The following LONRF3 variants were observed in gnomAD, a reference collection of about 807,000 sequenced individuals.
The protein encoded by LONRF3 is LON peptidase N-terminal domain and RING finger protein 3.
In LONRF3, 19 loss-of-function variants were observed where a neutral mutation model predicts 51.7. The ratio of observed to expected loss-of-function variants is 0.37; its 90% CI spans 0.26 to 0.54. LONRF3 has a LOEUF of 0.54. Ranked by LOEUF, LONRF3 falls within the 20% of genes least tolerant of loss-of-function variation. The pLI, the probability that LONRF3 is intolerant of heterozygous loss-of-function variation, is 0.86. For missense variants in LONRF3, 521 were observed against 623.9 expected (o/e 0.84, Z 1.76); for synonymous variants, 265 against 257.8 (o/e 1.03, Z -0.27).
At chrX:118,990,268 T>C (rs1923324408) in intron 4 of LONRF3, among the ~76,000 whole-genome samples, 1 of 111,683 alleles carries the variant, frequency 9.0e-6, no homozygotes, top group South Asian at 3.8e-4. Flanking sequence ...CATTTCTCTT[T>C]CTGTTGGGCC....
rs184061284 is a variant in LONRF3 at position 118,975,041 on chromosome X, C to T, written c.261C>T (p.Leu87=). 1.8e-4 allele frequency: 207 copies of T among 1,173,269 alleles called. No homozygotes were observed. The highest frequency in any genetic ancestry group is 2.2e-4 in the Non-Finnish European group (190 of 876,753). The change falls in exon 1 of 11, where the codon CTC becomes CTT. Residue 87 remains leucine (L), a synonymous_variant. Coordinates refer to ENST00000371628, the MANE Select transcript of LONRF3 (RefSeq NM_001031855.3). The part of the protein sequence containing the change: ...LASRGRIREA[L]EVYRQLSERQ... ...CCCGGGGGCGAATCCGTGAAGCCCTCGAGGTGTATAGACAGCTCTCCGAGC... is the reference window on the plus strand; with the variant it reads ...CCCGGGGGCGAATCCGTGAAGCCCTTGAGGTGTATAGACAGCTCTCCGAGC...
intron 5 of LONRF3, among the ~76,000 whole-genome samples, chrX:119,001,189 C>G (rs62599018): frequency 0.16 from 18,207 of 111,368 alleles, 1,177 homozygotes; most frequent in South Asian, 0.21. Flanking sequence ...CAAGTTCTCT[C>G]TGTCTCTCTC....
In LONRF3 at chrX:119,017,899, A is replaced by G. The variant is rs1925566771; in HGVS notation, c.*209A>G. Reference sequence around the variant, plus strand: ...TTTCTGTCTTAAGATGCTTCTTGACATGCTGCATAACTACATAAACAGCAG... The same window carrying G: ...TTTCTGTCTTAAGATGCTTCTTGACGTGCTGCATAACTACATAAACAGCAG... On this transcript the variant is annotated 3_prime_UTR_variant, in exon 11 of 11. Coordinates refer to ENST00000371628, the MANE Select transcript of LONRF3 (RefSeq NM_001031855.3). The G allele has an allele frequency of 3.0e-6, 1 of 327,909 alleles. No homozygotes were observed. The highest frequency in any genetic ancestry group is 5.2e-6 in the Non-Finnish European group (1 of 192,625). 27.0% of individuals were successfully genotyped at this position (327,909 alleles called of 1,213,427 possible).
chrX:119,003,968 A>T (rs1924517911), intron 5 of LONRF3, among the ~76,000 whole-genome samples: 1 of 110,143 alleles, frequency 9.1e-6, no homozygotes, highest in Non-Finnish European at 1.9e-5. Flanking sequence ...TAGAACTATA[A>T]TTGTGTGTGC....
chrX:118,990,299 C>G (rs1351898817), intron 4 of LONRF3, among the ~76,000 whole-genome samples, 171 bp from the exon 5 acceptor site: 1 of 111,686 alleles, frequency 9.0e-6, no homozygotes, highest in Non-Finnish European at 1.9e-5. Flanking sequence ...CTCTGAGAGC[C>G]TACTTCTGAG....
rs1477989452 is a variant in LONRF3 at position 118,989,034 on chromosome X, G to A, written c.1060-374G>A. Among the ~76,000 whole-genome samples the A allele has an allele frequency of 3.6e-5, 4 of 110,526 alleles. No homozygotes were observed. The South Asian group carries it at 1.2e-3, about 32-fold the overall frequency. On this transcript the variant is annotated intron_variant, in intron 3 of 10. Coordinates refer to ENST00000371628, the MANE Select transcript of LONRF3 (RefSeq NM_001031855.3). ...GAACTATTGAGTGACAGGATCTGCC[G>A]TCACTGCCTGCCTTGGTTTTGCTAA...
intron 5 of LONRF3, among the ~76,000 whole-genome samples, chrX:119,001,623 G>T (rs939449552): frequency 1.8e-5 from 2 of 111,931 alleles, no homozygotes; most frequent in African/African-American, 6.5e-5. Context: ...ATTGAAAAGT[G>T]TAATGTATTC....
intron 5 of LONRF3, 68 bp downstream of exon 5, chrX:118,990,628 AGTGACCTACTGCTGGGTT>A (rs1467558252): frequency 2.3e-6 from 2 of 874,433 alleles, no homozygotes; most frequent in East Asian, 6.4e-5. Flanking sequence ...CCTTTCTGCT[AGTGACCTACTGCTGGGTT>A]GGTTAGCATG....
intron 5 of LONRF3, among the ~76,000 whole-genome samples, chrX:119,001,149 C>T (rs1924289999): frequency 9.0e-6 from 1 of 111,687 alleles, no homozygotes; most frequent in Admixed American, 9.6e-5. Flanking sequence ...TTTCTGAAAT[C>T]GTTACCTAAA....
chrX:118,986,462 G>A (rs1922973637), intron 3 of LONRF3, among the ~76,000 whole-genome samples: 1 of 111,952 alleles, frequency 8.9e-6, no homozygotes, highest in African/African-American at 3.2e-5. Context: ...GAAGACATTT[G>A]TAGACTTCTA....
chrX:119,014,201 T>A lies in LONRF3; in HGVS notation c.1975-6T>A. ...GAATGTTTCACTTCCACTTTGATAC[T>A]TTCAGGTTCAGGGAGAGGATTGTGC... On this transcript the variant is annotated splice_region_variant and splice_polypyrimidine_tract_variant and intron_variant, in intron 9 of 10. Coordinates refer to ENST00000371628, the MANE Select transcript of LONRF3 (RefSeq NM_001031855.3). 1 of 1,200,653 alleles carries A rather than the reference T, an allele frequency of 8.3e-7. No individual in the cohort carries two copies.
chrX:119,015,761 A>G (rs992109891), intron 10 of LONRF3, among the ~76,000 whole-genome samples: 8 of 112,146 alleles, frequency 7.1e-5, no homozygotes, highest in Non-Finnish European at 1.5e-4. Flanking sequence ...CTTTTTTCTT[A>G]GTTCTGTTAT....
At chrX:118,980,554 G>C in intron 2 of LONRF3, among the ~76,000 whole-genome samples, 1 of 83,328 alleles carries the variant, frequency 1.2e-5, no homozygotes, top group Middle Eastern at 6.3e-3. Flanking sequence ...AGGTTTTCAT[G>C]AGTGATGATG....
intron 5 of LONRF3, among the ~76,000 whole-genome samples, chrX:118,998,136 G>A (rs1032404403): frequency 3.6e-5 from 4 of 112,114 alleles, no homozygotes; most frequent in Non-Finnish European, 7.5e-5. Flanking sequence ...CAGAGGAAAA[G>A]AAGCCATTAT....
rs1177778354 is a variant in LONRF3, at chrX:118,996,786, G to T, written c.1415+6226G>T. On this transcript the variant is annotated intron_variant, in intron 5 of 10. Transcript: ENST00000371628. Reference sequence around the variant, plus strand: ...AAATACAAAAAATTAGCCGGGCGTGGTGGCATGCACCTGTAGTCCCAGCTA... The same window carrying T: ...AAATACAAAAAATTAGCCGGGCGTGTTGGCATGCACCTGTAGTCCCAGCTA... 2.7e-5 allele frequency among the ~76,000 whole-genome samples: 3 copies of T among 109,843 alleles called. No homozygotes were observed. The East Asian group carries it at 8.5e-4, about 31-fold the overall frequency.
chrX:118,989,380 T>C lies in LONRF3; in HGVS notation c.1060-28T>C, dbSNP rs373337693. ...AGGACAATATTAGTCCTAAGAAGAT[T>C]CTGATATGTGGCCCTTTCTTCATCC... is the stretch of plus-strand genomic sequence containing the variant. On this transcript the variant is annotated intron_variant, in intron 3 of 10. Transcript: ENST00000371628. The C allele has an allele frequency of 1.1e-4, 130 of 1,203,207 alleles. No individual in the cohort carries two copies. The Middle Eastern group carries it at 3.9e-3, about 37-fold the overall frequency.
At chrX:118,984,768 G>T (rs1922831105) in intron 3 of LONRF3, among the ~76,000 whole-genome samples, 1 of 112,035 alleles carries the variant, frequency 8.9e-6, no homozygotes, top group Non-Finnish European at 1.9e-5. Context: ...GAATTTAGAG[G>T]CGAATTTCCA....
chrX:118,983,015 T>A, intron 3 of LONRF3, 72 bp downstream of exon 3: 22 of 1,113,965 alleles, frequency 2.0e-5, no homozygotes, highest in Non-Finnish European at 2.7e-5. Context: ...GGAAGGGGAG[T>A]GAGGGTGCTG....
intron 5 of LONRF3, among the ~76,000 whole-genome samples, chrX:119,001,083 G>A (rs1245970864): frequency 1.8e-5 from 2 of 111,645 alleles, no homozygotes; most frequent in African/African-American, 6.5e-5. Flanking sequence ...AATGTAAAAT[G>A]TTTTTTGTGT....
Sources: gnomAD v4.1 joint callset for allele counts (sites outside exome capture counted in the v4.1 genomes callset) on GRCh38, gnomAD v4.1.1 for gene constraint, MANE v1.5 for transcripts, NCBI Gene and HGNC (gene_info 2026-07-23, HGNC 2026-07-21) for gene names.